TBPL2: variants seen among roughly 807,000 people sequenced by gnomAD.
The protein encoded by TBPL2 is TATA box-binding protein-like 2.
TBPL2 carries 40 observed loss-of-function variants against 38.2 expected under a neutral mutation model. The ratio of observed to expected loss-of-function variants is 1.05; its 90% CI spans 0.81 to 1.36. TBPL2 has a LOEUF of 1.36. Among genes scored for constraint, TBPL2 ranks in the 40% most tolerant of loss-of-function variants. The probability of loss-of-function intolerance (pLI) is 0.00; values close to 1 mark genes in which losing one functional copy is unlikely to be tolerated. For missense variants in TBPL2, 461 were observed against 456.7 expected (o/e 1.01, Z -0.09); for synonymous variants, 169 against 171.7 (o/e 0.98, Z 0.12).
chr14:55,430,398 T>TAAAAA (rs370880582), intron 4 of TBPL2, among the ~76,000 whole-genome samples: 3 of 119,826 alleles, frequency 2.5e-5, no homozygotes, highest in Non-Finnish European at 5.0e-5. Flanking sequence ...TCACCCACTT[T>TAAAAA]AAAAAAAAAA....
At chr14:55,438,230 G>A (rs138678578) in intron 1 of TBPL2, among the ~76,000 whole-genome samples, 1,589 of 152,300 alleles carry the variant, frequency 0.01, 11 homozygotes, top group Non-Finnish European at 0.017. Context: ...GCTAATGTAC[G>A]TCTGACTGGA....
intron 6 of TBPL2, among the ~76,000 whole-genome samples, chr14:55,420,809 C>T (rs538966800): frequency 6.6e-6 from 1 of 152,056 alleles, no homozygotes; most frequent in South Asian, 2.1e-4. Flanking sequence ...CCTGTAATCC[C>T]AGCACTTTGG....
intron 6 of TBPL2, among the ~76,000 whole-genome samples, chr14:55,422,974 TTAAAA>T (rs751012388): frequency 1.1e-4 from 17 of 151,000 alleles, no homozygotes; most frequent in Admixed American, 4.6e-4. Flanking sequence ...CAAAAATTAT[TTAAAA>T]AAAAGCCAAC....
At chr14:55,417,880 A>G (rs958870987) in intron 6 of TBPL2, among the ~76,000 whole-genome samples, 5 of 152,200 alleles carry the variant, frequency 3.3e-5, no homozygotes, top group Non-Finnish European at 5.9e-5. Context: ...TTGAGATCAA[A>G]CAATATGGGC....
In TBPL2 at chr14:55,428,119, C is replaced by CTTTT. The variant is rs567342581; in HGVS notation, c.956+684_956+687dup. ...GCCTAGTCCATTTCACATGCCTTAT[C>CTTTT]TTTTTTTTTTTTTTTTTTTTTTTTT... On this transcript the variant is annotated intron_variant, in intron 5 of 6. Transcript: ENST00000247219. Among the ~76,000 whole-genome samples, 133 of 43,360 alleles carry CTTTT rather than the reference C, an allele frequency of 3.1e-3. 45 individuals carry two copies. The highest frequency in any genetic ancestry group is 0.022 in the East Asian group (26 of 1,172). 28.4% of individuals were successfully genotyped at this position (43,360 alleles called of 152,430 possible). A position where few individuals can be genotyped will look rare whatever the true frequency, so the allele number is the denominator to read the frequency against.
chr14:55,427,322 AAAAT>A (rs761457604), intron 5 of TBPL2, among the ~76,000 whole-genome samples: 95 of 152,196 alleles, frequency 6.2e-4, no homozygotes, highest in Non-Finnish European at 1.2e-3. Context: ...AATCAAGAGA[AAAAT>A]AAACATGTCA....
chr14:55,429,041 T>A, intron 4 of TBPL2, 67 bp from the exon 5 acceptor site: 1 of 1,567,466 alleles, frequency 6.4e-7, no homozygotes, highest in Non-Finnish European at 8.7e-7. Context: ...TGGTGTTGTA[T>A]TGGATTGTTA....
intron 4 of TBPL2, among the ~76,000 whole-genome samples, chr14:55,429,461 T>A (rs193021379): frequency 5.9e-5 from 9 of 152,202 alleles, no homozygotes; most frequent in African/African-American, 1.9e-4. Context: ...TCAAAGTATG[T>A]CCCATTTAGA....
intron 6 of TBPL2, among the ~76,000 whole-genome samples, chr14:55,418,440 C>A (rs998734515): frequency 5.9e-5 from 9 of 152,192 alleles, no homozygotes; most frequent in Non-Finnish European, 8.8e-5. Flanking sequence ...ATGCCACAGT[C>A]GTGTGTGTAT....
exon 2 of TBPL2, chr14:55,436,692 G>T (rs1182929163): frequency 6.2e-7 from 1 of 1,614,210 alleles, no homozygotes; most frequent in Admixed American, 1.7e-5. Context: ...TATCACCAGG[G>T]TGCAGCTGTG....
At chr14:55,416,927 A>C (rs549420345) in intron 6 of TBPL2, among the ~76,000 whole-genome samples, 1 of 152,226 alleles carries the variant, frequency 6.6e-6, no homozygotes, top group Non-Finnish European at 1.5e-5. Flanking sequence ...CTTTTATATT[A>C]AAAAATCCTA....
rs547770697 is a variant in TBPL2 at position 55,429,425 on chromosome 14, G to A, written c.789-451C>T. 4.6e-5 allele frequency among the ~76,000 whole-genome samples: 7 copies of A among 152,308 alleles called. No individual in the cohort carries two copies. In the South Asian group the frequency reaches 1.5e-3, roughly 32 times the overall value. On this transcript the variant is annotated intron_variant, in intron 4 of 6. Coordinates refer to ENST00000247219, the Ensembl canonical transcript of TBPL2. ...CCTCTAGGTAACTGTGCTGCTCACT[G>A]CAGTTTGGGAACCATTCATCCAGTC... is the stretch of plus-strand genomic sequence containing the variant.
intron 5 of TBPL2, among the ~76,000 whole-genome samples, chr14:55,427,746 G>C (rs1161206857): frequency 1.4e-4 from 21 of 151,990 alleles, no homozygotes; most frequent in Non-Finnish European, 2.9e-4. Context: ...TGTTGAGACG[G>C]GAAGTCTGAA....
rs1417164642 is a variant in TBPL2, at chr14:55,436,992, G to C, written c.177C>G (p.Pro59=). 3.1e-6 allele frequency: 5 copies of C among 1,614,098 alleles called. No individual in the cohort carries two copies. In the Admixed American group the frequency reaches 8.3e-5, roughly 27 times the overall value. The change falls in exon 2 of 7, where the codon CCC becomes CCG. Residue 59 remains proline (P), a synonymous_variant. Coordinates refer to ENST00000247219, the Ensembl canonical transcript of TBPL2. ...CATAAGGTACAACTGGGCTGAACAGGGGAGACCTGGGTGGGGCAAGGCCAT... is the reference window on the plus strand; with the variant it reads ...CATAAGGTACAACTGGGCTGAACAGCGGAGACCTGGGTGGGGCAAGGCCAT...
intron 1 of TBPL2, among the ~76,000 whole-genome samples, chr14:55,437,458 T>C (rs1886035123): frequency 6.6e-6 from 1 of 152,202 alleles, no homozygotes; most frequent in African/African-American, 2.4e-5. Context: ...AGCCTGGGTA[T>C]CAGAGCGAGA....
At chr14:55,424,759 A>T (rs1468859486) in intron 5 of TBPL2, among the ~76,000 whole-genome samples, 9 of 152,232 alleles carry the variant, frequency 5.9e-5, no homozygotes, top group Admixed American at 5.9e-4. Flanking sequence ...AAATCCAATT[A>T]TCCCGAGTTT....
chr14:55,415,445 C>T (rs1885653981), intron 6 of TBPL2, among the ~76,000 whole-genome samples: 1 of 152,164 alleles, frequency 6.6e-6, no homozygotes, highest in Admixed American at 6.5e-5. Context: ...AATTTCACGC[C>T]TTGGTAAATA....
chr14:55,424,189 T>A lies in TBPL2; in HGVS notation c.1021A>T (p.Ile341Phe), dbSNP rs185697441. Residue 341 changes from isoleucine to phenylalanine, a missense_variant, in exon 6 of 7, where the codon ATC becomes TTC. Ile to Phe is a conservative substitution (Grantham distance 21). Transcript: ENST00000247219. ...AACACAACTTTTCCAGATACAAAGA[T>A]AAGCAACACAATTCGTGGTTTTACC... The A allele has an allele frequency of 2.9e-5, 46 of 1,613,436 alleles. 1 individual carries two copies. In the East Asian group the frequency reaches 1.0e-3, roughly 36 times the overall value.
exon 2 of TBPL2, chr14:55,436,788 G>A: frequency 1.2e-6 from 2 of 1,614,208 alleles, no homozygotes; most frequent in Non-Finnish European, 1.7e-6. Context: ...GTGGACTTTG[G>A]CTTTCAGAAT....
Sources: allele counts gnomAD v4.1 joint callset (sites outside exome capture counted in the v4.1 genomes callset), GRCh38; gene constraint gnomAD v4.1.1; transcripts MANE v1.5; gene names NCBI Gene and HGNC (gene_info 2026-07-23, HGNC 2026-07-21).